Variants in SDK1 observed in about 807,000 individuals in gnomAD.
SDK1 encodes sidekick cell adhesion molecule 1.
A neutral mutation model predicts 245.5 loss-of-function variants in SDK1; 157 were observed. The ratio of observed to expected loss-of-function variants is 0.64; its 90% CI spans 0.56 to 0.73. The LOEUF (loss-of-function observed/expected upper bound fraction) is 0.73. Ranked by LOEUF, SDK1 falls within the 30% of genes least tolerant of loss-of-function variation. The probability of loss-of-function intolerance (pLI) is 0.00; values close to 1 mark genes in which losing one functional copy is unlikely to be tolerated. For missense variants in SDK1, 3,583 were observed against 3,002.3 expected (o/e 1.19, Z -4.52); for synonymous variants, 1,647 against 1,278.5 (o/e 1.29, Z -6.15).
intron 1 of SDK1, among the ~76,000 whole-genome samples, chr7:3,382,922 A>G (rs374396945): frequency 9.2e-5 from 14 of 151,992 alleles, no homozygotes; most frequent in South Asian, 8.3e-4. Context: ...ATTCTCTTCT[A>G]TTTTTGAAGC....
At chr7:3,986,751 C>T (rs896785242) in intron 13 of SDK1, among the ~76,000 whole-genome samples, 1 of 152,168 alleles carries the variant, frequency 6.6e-6, no homozygotes, top group Non-Finnish European at 1.5e-5. Context: ...ATCCCACCTA[C>T]TAGGGAGACT....
At chr7:3,716,331 A>C (rs1264889298) in intron 4 of SDK1, among the ~76,000 whole-genome samples, 1 of 152,218 alleles carries the variant, frequency 6.6e-6, no homozygotes, top group Admixed American at 6.5e-5. Context: ...GACCCTAAGA[A>C]ATCAATTTGA....
intron 1 of SDK1, among the ~76,000 whole-genome samples, chr7:3,319,865 A>T: frequency 1.4e-5 from 1 of 73,608 alleles, no homozygotes; most frequent in African/African-American, 5.9e-5. Flanking sequence ...CCTATATCTA[A>T]CCCATTCTTA....
chr7:3,629,321 GAAAAA>G (rs1051701500), intron 2 of SDK1, among the ~76,000 whole-genome samples: 1 of 150,254 alleles, frequency 6.7e-6, no homozygotes, highest in African/African-American at 2.4e-5. Context: ...AGAAAAAAAA[GAAAAA>G]AAAGAAAAAA....
chr7:3,677,543 T>C (rs1488437628), intron 4 of SDK1, among the ~76,000 whole-genome samples: 3 of 152,120 alleles, frequency 2.0e-5, no homozygotes, highest in Admixed American at 6.5e-5. Flanking sequence ...ACCACAAGAA[T>C]GGTATGGGGG....
intron 22 of SDK1, among the ~76,000 whole-genome samples, chr7:4,105,352 G>A (rs1782831601): frequency 6.6e-6 from 1 of 151,278 alleles, no homozygotes; most frequent in South Asian, 2.1e-4. Context: ...CTGTCGCCAG[G>A]CTGGAGTGCA....
At chr7:3,590,541 C>A (rs1364817496) in intron 1 of SDK1, among the ~76,000 whole-genome samples, 2 of 152,026 alleles carry the variant, frequency 1.3e-5, no homozygotes, top group East Asian at 3.8e-4. Context: ...CACTAAATCA[C>A]AGTAATTCCT....
chr7:3,658,213 G>C lies in SDK1; in HGVS notation c.713+16108G>C, dbSNP rs189441450. On this transcript the variant is annotated intron_variant, in intron 4 of 44. Transcript: ENST00000404826. ...TTGTGAATCATGAACTGTCATAGCC[G>C]TGAGGTGGAATCATTTTCTCATGAG... Among the ~76,000 whole-genome samples the C allele has an allele frequency of 5.1e-4, 78 of 152,306 alleles. 2 individuals carry two copies. The highest frequency in any genetic ancestry group is 8.1e-4 in the Non-Finnish European group (55 of 68,022).
intron 1 of SDK1, among the ~76,000 whole-genome samples, chr7:3,560,175 G>T (rs1207017897): frequency 8.5e-5 from 13 of 152,154 alleles, no homozygotes; most frequent in Admixed American, 3.3e-4. Flanking sequence ...AAAATATTAT[G>T]CTTCCGCAAA....
intron 20 of SDK1, among the ~76,000 whole-genome samples, chr7:4,069,802 C>T (rs566558957): frequency 3.9e-5 from 6 of 152,340 alleles, no homozygotes; most frequent in South Asian, 4.1e-4. Context: ...TGTGGGATCT[C>T]GTTTTGCTTT....
chr7:3,915,132 C>G (rs940426141), intron 5 of SDK1, among the ~76,000 whole-genome samples: 1 of 152,154 alleles, frequency 6.6e-6, no homozygotes, highest in African/African-American at 2.4e-5. Flanking sequence ...GGGTATTTTC[C>G]AAATAACAGG....
intron 1 of SDK1, among the ~76,000 whole-genome samples, chr7:3,489,997 T>C (rs952233054): frequency 6.6e-6 from 1 of 152,202 alleles, no homozygotes; most frequent in African/African-American, 2.4e-5. Flanking sequence ...CCCCTCGTGC[T>C]TACTGGTTAT....
chr7:3,865,913 C>T (rs1262632795), intron 5 of SDK1, among the ~76,000 whole-genome samples: 3 of 152,064 alleles, frequency 2.0e-5, no homozygotes, highest in East Asian at 1.9e-4. Flanking sequence ...AAGAAGCCCT[C>T]GTAGTCCTAC....
At chr7:3,466,989 CA>C (rs1781024754) in intron 1 of SDK1, among the ~76,000 whole-genome samples, 1 of 137,676 alleles carries the variant, frequency 7.3e-6, no homozygotes, top group Admixed American at 6.9e-5. Flanking sequence ...TACACACACA[CA>C]CACACACACA....
chr7:3,359,722 ACTTTCAGGAGT>A (rs1483122020), intron 1 of SDK1, among the ~76,000 whole-genome samples: 4 of 151,950 alleles, frequency 2.6e-5, no homozygotes, highest in Non-Finnish European at 5.9e-5. Context: ...TGTGAACCTC[ACTTTCAGGAGT>A]TCAGTAATTG....
At chr7:4,030,832 A>G (rs534343096) in intron 17 of SDK1, among the ~76,000 whole-genome samples, 2 of 152,258 alleles carry the variant, frequency 1.3e-5, no homozygotes, top group South Asian at 4.1e-4. Flanking sequence ...TCTCCTCCGT[A>G]GGGCCTCCTT....
intron 13 of SDK1, chr7:3,974,904 T>G (rs141078098): frequency 1.1e-5 from 2 of 176,048 alleles, no homozygotes; most frequent in African/African-American, 4.7e-5. Flanking sequence ...GAGCCTCCAG[T>G]CCATGAGAGA....
At chr7:3,683,777 G>T (rs74755788) in intron 4 of SDK1, among the ~76,000 whole-genome samples, 1 of 152,170 alleles carries the variant, frequency 6.6e-6, no homozygotes, top group Admixed American at 6.5e-5. Flanking sequence ...GCATTACACG[G>T]CACATGTCCT....
At chr7:3,823,715 G>A (rs1187777719) in intron 5 of SDK1, among the ~76,000 whole-genome samples, 1 of 152,118 alleles carries the variant, frequency 6.6e-6, no homozygotes, top group East Asian at 1.9e-4. Context: ...AGGTAAAAAT[G>A]TGTAAAAAGT....
Sources: gnomAD v4.1 joint callset for allele counts (sites outside exome capture counted in the v4.1 genomes callset) on GRCh38, gnomAD v4.1.1 for gene constraint, MANE v1.5 for transcripts, NCBI Gene and HGNC (gene_info 2026-07-23, HGNC 2026-07-21) for gene names.